Variants in KIF20B observed in about 807,000 individuals in gnomAD.
KIF20B encodes the protein kinesin family member 20B.
A neutral mutation model predicts 232.5 loss-of-function variants in KIF20B; 188 were observed. The ratio of observed to expected loss-of-function variants is 0.81; its 90% CI spans 0.72 to 0.91. The LOEUF is 0.91. KIF20B is among the 40% of genes least tolerant of loss of function. KIF20B has a pLI of 0.00. For missense variants in KIF20B, 2,154 were observed against 2,055.9 expected, an observed-to-expected ratio of 1.05 and a Z score of -0.92; for synonymous variants, 712 against 683.0, an observed-to-expected ratio of 1.04 and a Z score of -0.66.
At position 89,701,625 on chromosome 10, in the gene KIF20B, A is replaced by G. The variant is rs1286877035; in HGVS notation, c.-57A>G. 1.3e-5 allele frequency: 2 copies of G among 152,326 alleles called. No homozygotes were observed. The highest frequency in any genetic ancestry group is 2.4e-5 in the African/African-American group (1 of 41,466). The allele number at this position is 152,326 out of a possible 1,614,324, so 9.4% of individuals were successfully genotyped here. On this transcript the variant is annotated 5_prime_UTR_variant, in exon 1 of 33. Coordinates refer to ENST00000371728, the MANE Select transcript of KIF20B (RefSeq NM_001284259.2). ...CCTGGCCGCCATTGTTTGAATTTGA[A>G]AACGGTAACATCGCAGTGCTGCTCG... is the stretch of plus-strand genomic sequence containing the variant.
At chr10:89,710,463 A>G (rs1372028255) in intron 5 of KIF20B, among the ~76,000 whole-genome samples, 1 of 152,172 alleles carries the variant, frequency 6.6e-6, no homozygotes, top group African/African-American at 2.4e-5. Flanking sequence ...TCCTGACCTC[A>G]GGTGATATGC....
Position 89,772,840 on chromosome 10 carries a change from G to C in KIF20B, c.5385+9G>C. Reference sequence around the variant, plus strand: ...ATATATCAGGCCAAGTGGTAAGCTAGTATTTCTGTTTTCATCAATGTAGAA... The same window carrying C: ...ATATATCAGGCCAAGTGGTAAGCTACTATTTCTGTTTTCATCAATGTAGAA... On this transcript the variant is annotated intron_variant, in intron 32 of 32. Transcript: ENST00000371728. The C allele has an allele frequency of 6.3e-7, 1 of 1,597,444 alleles. No individual in the cohort carries two copies.
rs199522298 is a variant in KIF20B at position 89,754,501 on chromosome 10, A to G, written c.4348-17A>G. 216 of 1,506,050 alleles carry G rather than the reference A, an allele frequency of 1.4e-4. 1 individual carries two copies. Among genetic ancestry groups the G allele is most frequent in the Middle Eastern group, 4.6e-4 (2 of 4,378 alleles). The allele number at this position is 1,506,050 out of a possible 1,614,324, so 93.3% of individuals were successfully genotyped here. On this transcript the variant is annotated splice_polypyrimidine_tract_variant and intron_variant, in intron 25 of 32. Transcript: ENST00000371728. ...TTGTAGGCATGCGATAATAACTTAT[A>G]CCATTTATATATACAGGAGTCTGAA...
Position 89,768,786 on chromosome 10 carries a change from G to T in KIF20B, c.5140G>T (p.Ala1714Ser). 6.2e-7 allele frequency: 1 copy of T among 1,606,440 alleles called. No individual in the cohort carries two copies. The highest frequency in any genetic ancestry group is 8.5e-7 in the Non-Finnish European group (1 of 1,177,210). The change falls in exon 31 of 33, where the codon GCA becomes TCA. Residue 1714 changes from alanine (A) to serine (S), a missense_variant. By Grantham distance (99) the Ala-to-Ser change is moderately conservative. Transcript: ENST00000371728. ...SKKTYSLRSQASIIGVNLATK... is the reference protein window; with the variant it reads ...SKKTYSLRSQSSIIGVNLATK... The stretch of plus-strand genomic sequence containing the variant: ...GAAAACATATTCTTTACGGAGTCAG[G>T]CATCCATAATTGGTGTAAACCTGGC...
intron 27 of KIF20B, among the ~76,000 whole-genome samples, chr10:89,759,827 T>A (rs1434139888): frequency 2.6e-5 from 4 of 152,182 alleles, no homozygotes; most frequent in Non-Finnish European, 4.4e-5. Context: ...CTTTCTTATT[T>A]GGCAGTAATG....
intron 19 of KIF20B, among the ~76,000 whole-genome samples, chr10:89,735,032 C>A (rs1564665746): frequency 6.6e-6 from 1 of 152,058 alleles, no homozygotes; most frequent in South Asian, 2.1e-4. Context: ...TAATAAGGTC[C>A]CTGGATAATT....
At chr10:89,725,587 T>A (rs1055458430) in intron 15 of KIF20B, among the ~76,000 whole-genome samples, 10 of 152,150 alleles carry the variant, frequency 6.6e-5, no homozygotes, top group Non-Finnish European at 1.3e-4. Flanking sequence ...CTTACTCTTT[T>A]AAAATTTTAT....
At chr10:89,725,335 T>C (rs992407361) in intron 15 of KIF20B, among the ~76,000 whole-genome samples, 177 bp downstream of exon 15, 1 of 151,786 alleles carries the variant, frequency 6.6e-6, no homozygotes, top group African/African-American at 2.4e-5. Flanking sequence ...AATTTAAATA[T>C]AATGATTGGT....
chr10:89,774,846 C>T lies in KIF20B; in HGVS notation c.*798C>T, dbSNP rs1842537045. 6.6e-6 allele frequency: 1 copy of T among 152,014 alleles called. No individual in the cohort carries two copies. The highest frequency in any genetic ancestry group is 2.4e-5 in the African/African-American group (1 of 41,436). 9.4% of individuals were successfully genotyped at this position (152,014 alleles called of 1,614,324 possible). A position where few individuals can be genotyped will look rare whatever the true frequency, so the allele number is the denominator to read the frequency against. ...CCCCCTGCAACCGTCAGTACCCTTA[C>T]CAGCCACTGGTAACCATTCTTCTAC... On this transcript the variant is annotated 3_prime_UTR_variant, in exon 33 of 33. Transcript: ENST00000371728.
intron 17 of KIF20B, 51 bp downstream of exon 17, chr10:89,727,947 G>C (rs369946118): frequency 7.0e-7 from 1 of 1,435,526 alleles, no homozygotes. Context: ...ATTAACAAAG[G>C]GGTATGAATG....
At chr10:89,737,285 T>G in intron 19 of KIF20B, 102 bp from the exon 20 acceptor site, 1 of 1,196,032 alleles carries the variant, frequency 8.4e-7, no homozygotes, top group Non-Finnish European at 1.1e-6. Flanking sequence ...TAATTAGAAG[T>G]TTACTTTTAC....
chr10:89,710,993 A>G lies in KIF20B; in HGVS notation c.523A>G (p.Thr175Ala). The G allele has an allele frequency of 6.2e-7, 1 of 1,606,962 alleles. No individual in the cohort carries two copies. The highest frequency in any genetic ancestry group is 8.5e-7 in the Non-Finnish European group (1 of 1,177,966). ...TEENIGILPRTLNVLFDSLQE... is the reference protein window; with the variant it reads ...TEENIGILPRALNVLFDSLQE... ...AGAAAATATTGGCATTCTGCCTCGA[A>G]CTTTGAATGTATTATTTGATAGTCT... is the stretch of plus-strand genomic sequence containing the variant. The change falls in exon 6 of 33, where the codon ACT becomes GCT. Residue 175 changes from threonine to alanine, a missense_variant. Thr to Ala is a moderately conservative substitution (Grantham distance 58). Transcript: ENST00000371728.
intron 15 of KIF20B, among the ~76,000 whole-genome samples, 182 bp downstream of exon 15, chr10:89,725,340 A>G (rs1451260407): frequency 6.6e-6 from 1 of 151,064 alleles, no homozygotes; most frequent in Non-Finnish European, 1.5e-5. Context: ...AAATATAATG[A>G]TTGGTTTTGA....
At position 89,747,047 on chromosome 10, in the gene KIF20B, A is replaced by C. The variant is rs549624278; in HGVS notation, c.4096+1088A>C. Among the ~76,000 whole-genome samples, 135 of 152,366 alleles carry C rather than the reference A, an allele frequency of 8.9e-4. 1 individual carries two copies. The highest frequency in any genetic ancestry group is 2.9e-3 in the African/African-American group (121 of 41,584). The stretch of plus-strand genomic sequence containing the variant: ...GAAATTGTGTAAAGAATAAACTTCA[A>C]ATAAAATATCTTTAAAATTAAAATG... On this transcript the variant is annotated intron_variant, in intron 23 of 32. Coordinates refer to ENST00000371728, the MANE Select transcript of KIF20B (RefSeq NM_001284259.2).
chr10:89,752,106 A>C (rs1266667983), intron 24 of KIF20B, among the ~76,000 whole-genome samples: 1 of 151,998 alleles, frequency 6.6e-6, no homozygotes, highest in Non-Finnish European at 1.5e-5. Context: ...TTCATATTGT[A>C]CATTATTCTT....
At chr10:89,713,863 A>G (rs1355918672) in intron 6 of KIF20B, among the ~76,000 whole-genome samples, 184 bp from the exon 7 acceptor site, 2 of 151,990 alleles carry the variant, frequency 1.3e-5, no homozygotes, top group Admixed American at 6.6e-5. Flanking sequence ...ATTCTTTTTC[A>G]TAGTTCTCTG....
chr10:89,718,937 T>A, intron 12 of KIF20B, 65 bp downstream of exon 12: 5 of 1,031,146 alleles, frequency 4.8e-6, no homozygotes, highest in Non-Finnish European at 6.9e-6. Flanking sequence ...GAAATAAATA[T>A]TTTTTACTTA....
Position 89,739,132 on chromosome 10 carries a change from A to T in KIF20B, c.3915+36A>T, listed in dbSNP as rs1841738571. Reference sequence around the variant, plus strand: ...TGAAAAGTTATGTGGCCAGTTTATGATAAAGATTGTTTTCCTTATATATCA... The same window carrying T: ...TGAAAAGTTATGTGGCCAGTTTATGTTAAAGATTGTTTTCCTTATATATCA... On this transcript the variant is annotated intron_variant, in intron 21 of 32. Coordinates refer to ENST00000371728, the MANE Select transcript of KIF20B (RefSeq NM_001284259.2). 3.8e-6 allele frequency: 6 copies of T among 1,597,772 alleles called. No homozygotes were observed. The East Asian group carries it at 1.3e-4, about 36-fold the overall frequency.
intron 2 of KIF20B, among the ~76,000 whole-genome samples, chr10:89,706,481 C>T (rs1019072205): frequency 5.9e-5 from 9 of 151,934 alleles, no homozygotes; most frequent in African/African-American, 1.4e-4. Context: ...AAGAAACTTT[C>T]GCCTTCCCCA....
Sources: gnomAD v4.1 joint callset for allele counts (sites outside exome capture counted in the v4.1 genomes callset) on GRCh38, gnomAD v4.1.1 for gene constraint, MANE v1.5 for transcripts, NCBI Gene and HGNC (gene_info 2026-07-23, HGNC 2026-07-21) for gene names.